The following TRAF2 variants were observed in gnomAD, a reference collection of about 807,000 sequenced individuals.
TRAF2 encodes TNF receptor associated factor 2.
In TRAF2, 6 loss-of-function variants were observed where a neutral mutation model predicts 55.6. That is an observed-to-expected ratio of 0.11 (90% confidence interval 0.06 to 0.21). TRAF2 has a LOEUF of 0.21. Ranked by LOEUF, TRAF2 falls within the 10% of genes least tolerant of loss-of-function variation. The probability of loss-of-function intolerance (pLI) is 1.00; values close to 1 mark genes in which losing one functional copy is unlikely to be tolerated. For missense variants in TRAF2, 561 were observed against 684.5 expected (o/e 0.82, Z 2.01); for synonymous variants, 329 against 276.3 (o/e 1.19, Z -1.89).
chr9:136,889,210 GT>G lies in TRAF2; in HGVS notation c.-29+2675del, dbSNP rs1174159811. 2.8e-4 allele frequency among the ~76,000 whole-genome samples: 41 copies of G among 146,986 alleles called. 1 individual carries two copies. In the East Asian group the frequency reaches 7.0e-3, roughly 25 times the overall value. On this transcript the variant is annotated intron_variant, in intron 1 of 10. Transcript: ENST00000247668. ...TTGTTTTTCTTTTTTTGTTTGTGTGGTTTTTTCTGTTTTTTTTTTTTTTTTG... is the reference window on the plus strand; with the variant it reads ...TTGTTTTTCTTTTTTTGTTTGTGTGGTTTTTCTGTTTTTTTTTTTTTTTTG...
At chr9:136,889,013 C>T (rs1053551846) in intron 1 of TRAF2, among the ~76,000 whole-genome samples, 4 of 151,954 alleles carry the variant, frequency 2.6e-5, no homozygotes, top group Non-Finnish European at 4.4e-5. Flanking sequence ...TACAGGCACC[C>T]GCCACCACGC....
intron 1 of TRAF2, among the ~76,000 whole-genome samples, chr9:136,893,127 G>A (rs1055727775): frequency 2.3e-4 from 35 of 152,120 alleles, no homozygotes; most frequent in African/African-American, 7.7e-4. Context: ...TGTGAGCTCC[G>A]GAACATCCAC....
At chr9:136,913,504 G>A (rs868361687) in intron 6 of TRAF2, among the ~76,000 whole-genome samples, 35 of 151,190 alleles carry the variant, frequency 2.3e-4, no homozygotes, top group African/African-American at 7.8e-4. Context: ...TCACTATGTT[G>A]GCCAGGCTGG....
chr9:136,912,150 CCCT>C (rs1850127001), intron 6 of TRAF2, among the ~76,000 whole-genome samples: 1 of 125,072 alleles, frequency 8.0e-6, no homozygotes, highest in Admixed American at 8.5e-5. Context: ...CTGCGTCTGG[CCCT>C]TTTTTTTTTT....
chr9:136,895,143 AAACTTGCCGGTCCTGGG>A (rs1353237263), intron 1 of TRAF2, among the ~76,000 whole-genome samples: 2 of 152,140 alleles, frequency 1.3e-5, no homozygotes, highest in African/African-American at 4.8e-5. Flanking sequence ...GGTTCATCCA[AAACTTGCCGGTCCTGGG>A]CCTGCTGGGA....
Position 136,896,819 on chromosome 9 carries a change from A to G in TRAF2, c.-28-1894A>G, listed in dbSNP as rs149060772. ...GAGACGGGGTTTCACCGTGTTAGCC[A>G]GGATGGTCCCGAACTCCTGATCTCA... On this transcript the variant is annotated intron_variant, in intron 1 of 10. Coordinates refer to ENST00000247668, the MANE Select transcript of TRAF2 (RefSeq NM_021138.4). 3.9e-3 allele frequency among the ~76,000 whole-genome samples: 598 copies of G among 152,330 alleles called. 4 individuals carry two copies. The highest frequency in any genetic ancestry group is 0.014 in the African/African-American group (573 of 41,574).
At chr9:136,895,206 C>A (rs1456377436) in intron 1 of TRAF2, among the ~76,000 whole-genome samples, 1 of 152,148 alleles carries the variant, frequency 6.6e-6, no homozygotes, top group Admixed American at 6.5e-5. Flanking sequence ...GCTCTGGGGC[C>A]GGGTGACCCA....
At chr9:136,918,411 G>GC (rs2131326245) in intron 7 of TRAF2, among the ~76,000 whole-genome samples, 1 of 151,238 alleles carries the variant, frequency 6.6e-6, no homozygotes, top group East Asian at 2.0e-4. Context: ...GTGATAAAAG[G>GC]CCCAAGTAGC....
At chr9:136,910,894 C>CT (rs1850088292) in intron 6 of TRAF2, among the ~76,000 whole-genome samples, 1 of 152,236 alleles carries the variant, frequency 6.6e-6, no homozygotes, top group Non-Finnish European at 1.5e-5. Context: ...CGAGTGCTGT[C>CT]TGAAAGCATC....
chr9:136,905,280 C>T (rs1454238344), intron 4 of TRAF2, among the ~76,000 whole-genome samples: 1 of 152,226 alleles, frequency 6.6e-6, no homozygotes, highest in South Asian at 2.1e-4. Flanking sequence ...GGGTTGTGCC[C>T]ATCGGTACAG....
intron 6 of TRAF2, among the ~76,000 whole-genome samples, chr9:136,914,480 T>C (rs1850194230): frequency 6.6e-6 from 1 of 152,238 alleles, no homozygotes; most frequent in South Asian, 2.1e-4. Context: ...TTCTGTTTCA[T>C]TCCTGCCTCC....
chr9:136,896,115 CCT>C (rs1426678177), intron 1 of TRAF2, among the ~76,000 whole-genome samples: 3 of 152,146 alleles, frequency 2.0e-5, no homozygotes, highest in Non-Finnish European at 4.4e-5. Context: ...ACTGGAAGTC[CCT>C]CTCTAGCTGT....
intron 1 of TRAF2, among the ~76,000 whole-genome samples, chr9:136,895,555 C>A (rs1244939004): frequency 6.6e-6 from 1 of 152,116 alleles, no homozygotes; most frequent in Non-Finnish European, 1.5e-5. Context: ...ATGCATTTGT[C>A]ATTTAAATGT....
rs1022874522 is a variant in TRAF2 at position 136,910,420 on chromosome 9, C to T, written c.603+426C>T. 2.0e-5 allele frequency among the ~76,000 whole-genome samples: 3 copies of T among 152,332 alleles called. No individual in the cohort carries two copies. The South Asian group carries it at 6.2e-4, about 32-fold the overall frequency. On this transcript the variant is annotated intron_variant, in intron 6 of 10. Transcript: ENST00000247668. ...TGCCACAGCCGTGAAATGTGGGTGG[C>T]TCGCCTGGCAGAACTTTGTCCCTGG... is the stretch of plus-strand genomic sequence containing the variant.
At chr9:136,895,290 T>C (rs1390256527) in intron 1 of TRAF2, among the ~76,000 whole-genome samples, 2 of 152,224 alleles carry the variant, frequency 1.3e-5, no homozygotes, top group African/African-American at 2.4e-5. Context: ...GCTGCGGTTC[T>C]GCCTGGTGGG....
At chr9:136,887,104 G>T (rs889086704) in intron 1 of TRAF2, among the ~76,000 whole-genome samples, 3 of 152,336 alleles carry the variant, frequency 2.0e-5, no homozygotes, top group Admixed American at 6.5e-5. Flanking sequence ...CCAGTGGCTG[G>T]GGAGACCCAG....
Position 136,898,913 on chromosome 9 carries a change from T to A in TRAF2, c.173T>A (p.Leu58Gln). ...QCGHRYCSFC[L>Q]ASILSSGPQN... is the part of the protein sequence containing the mutation. ...GGCCACCGGTACTGCTCCTTCTGCC[T>A]GGCCAGCATCCTCAGGTGCATGGGG... The change falls in exon 2 of 11, where the codon CTG becomes CAG. Residue 58 changes from leucine to glutamine, a missense_variant. Coordinates refer to ENST00000247668, the MANE Select transcript of TRAF2 (RefSeq NM_021138.4). 6.2e-7 allele frequency: 1 copy of A among 1,608,818 alleles called. No homozygotes were observed. The highest frequency in any genetic ancestry group is 1.7e-5 in the Admixed American group (1 of 59,544).
chr9:136,899,804 TGCTTGAGTCCAGGA>T, intron 3 of TRAF2, 132 bp downstream of exon 3: 1 of 784,718 alleles, frequency 1.3e-6, no homozygotes, highest in African/African-American at 1.8e-5. Context: ...GTAGGGGGAT[TGCTTGAGTCCAGGA>T]GTTTGAGACC....
chr9:136,886,467 A>G (rs1265835296), upstream of TRAF2: 4 of 1,004,642 alleles, frequency 4.0e-6, no homozygotes, highest in East Asian at 4.3e-4. Flanking sequence ...CACGCGGCGG[A>G]GCGGCGGCGG....
Sources: gnomAD v4.1 joint callset for allele counts (sites outside exome capture counted in the v4.1 genomes callset) on GRCh38, gnomAD v4.1.1 for gene constraint, MANE v1.5 for transcripts, NCBI Gene and HGNC (gene_info 2026-07-23, HGNC 2026-07-21) for gene names.